Variants in KIF5C observed in about 807,000 individuals in gnomAD.
The protein encoded by KIF5C is kinesin family member 5C.
In KIF5C, 18 loss-of-function variants were observed where a neutral mutation model predicts 125.2. The ratio of observed to expected loss-of-function variants is 0.14; its 90% CI spans 0.10 to 0.21. The LOEUF is 0.21. KIF5C is among the 10% of genes least tolerant of loss of function. The pLI, the probability that KIF5C is intolerant of heterozygous loss-of-function variation, is 1.00. For synonymous variants in KIF5C, 405 were observed against 434.0 expected, an observed-to-expected ratio of 0.93 and a Z score of 0.83; for missense variants, 780 against 1,183.8, an observed-to-expected ratio of 0.66 and a Z score of 5.01.
intron 15 of KIF5C, among the ~76,000 whole-genome samples, chr2:148,985,895 T>C (rs755135863): frequency 6.6e-6 from 1 of 152,240 alleles, no homozygotes; most frequent in Non-Finnish European, 1.5e-5. Flanking sequence ...TAACTGATTA[T>C]TTCATAAATC....
At chr2:148,979,408 C>T (rs142765064) in intron 13 of KIF5C, among the ~76,000 whole-genome samples, 16 of 152,258 alleles carry the variant, frequency 1.1e-4, no homozygotes, top group African/African-American at 3.9e-4. Context: ...TCTCAAGTAG[C>T]TAAGACTACA....
intron 1 of KIF5C, among the ~76,000 whole-genome samples, chr2:148,920,280 GAA>G: frequency 6.6e-6 from 1 of 152,292 alleles, no homozygotes; most frequent in East Asian, 1.9e-4. Flanking sequence ...TTTTGTTCCA[GAA>G]AGTTCAATTG....
At chr2:149,010,423 G>A (rs927167452) in intron 24 of KIF5C, 72 bp downstream of exon 24, 1 of 1,475,968 alleles carries the variant, frequency 6.8e-7, no homozygotes, top group Non-Finnish European at 9.0e-7. Flanking sequence ...TTGCTAAAAG[G>A]TGAAGACAGC....
chr2:148,982,206 G>C (rs1206395455), intron 14 of KIF5C, among the ~76,000 whole-genome samples: 2 of 152,332 alleles, frequency 1.3e-5, no homozygotes, highest in East Asian at 3.9e-4. Context: ...TTTGTTTGCT[G>C]TTCTAAGCCA....
At chr2:148,930,228 C>T (rs1170802519) in intron 3 of KIF5C, among the ~76,000 whole-genome samples, 2 of 152,144 alleles carry the variant, frequency 1.3e-5, no homozygotes, top group African/African-American at 4.8e-5. Context: ...AGGGTATGAC[C>T]CCAGCTCCAG....
At chr2:148,949,974 A>G (rs1682619768) in intron 9 of KIF5C, 31 bp downstream of exon 9, 31 of 1,597,776 alleles carry the variant, frequency 1.9e-5, no homozygotes, top group Non-Finnish European at 2.6e-5. Context: ...CTATTAAGTA[A>G]TATTATGAGA....
At chr2:148,892,253 G>A (rs1242001487) in intron 1 of KIF5C, among the ~76,000 whole-genome samples, 5 of 152,178 alleles carry the variant, frequency 3.3e-5, no homozygotes, top group Admixed American at 6.5e-5. Flanking sequence ...GAATTTCTCC[G>A]AGGCACTAGT....
chr2:148,979,266 T>C (rs908589644), intron 13 of KIF5C, among the ~76,000 whole-genome samples: 5 of 152,148 alleles, frequency 3.3e-5, no homozygotes, highest in Non-Finnish European at 5.9e-5. Flanking sequence ...GGTTGGGTGA[T>C]CAAGCAAGGA....
chr2:148,990,968 A>T, intron 15 of KIF5C, 42 bp from the exon 16 acceptor site: 4 of 1,582,434 alleles, frequency 2.5e-6, no homozygotes, highest in Non-Finnish European at 3.4e-6. Context: ...GAACCTATGG[A>T]AATTGTGGGC....
intron 14 of KIF5C, among the ~76,000 whole-genome samples, chr2:148,982,361 G>C (rs541261244): frequency 9.6e-4 from 146 of 152,322 alleles, no homozygotes; most frequent in Admixed American, 3.9e-4. Flanking sequence ...AAAATGGGTG[G>C]TGGAGAAGCT....
At chr2:148,891,743 G>A (rs1318658535) in intron 1 of KIF5C, among the ~76,000 whole-genome samples, 2 of 152,016 alleles carry the variant, frequency 1.3e-5, no homozygotes, top group African/African-American at 4.8e-5. Context: ...TGTTGCCCAG[G>A]CTGGAGTGCA....
At chr2:149,009,599 C>G (rs1290663089) in intron 23 of KIF5C, among the ~76,000 whole-genome samples, 1 of 152,098 alleles carries the variant, frequency 6.6e-6, no homozygotes, top group Non-Finnish European at 1.5e-5. Context: ...CTTCTTCAAT[C>G]AGCAAAAAGG....
intron 3 of KIF5C, among the ~76,000 whole-genome samples, chr2:148,930,947 C>T (rs995184620): frequency 1.3e-5 from 2 of 152,092 alleles, no homozygotes; most frequent in African/African-American, 2.4e-5. Context: ...ACTAGGCCCC[C>T]GACTCTTGAC....
At chr2:148,987,565 C>T (rs1253593477) in intron 15 of KIF5C, among the ~76,000 whole-genome samples, 5 of 152,064 alleles carry the variant, frequency 3.3e-5, no homozygotes, top group Admixed American at 6.5e-5. Flanking sequence ...TGCTGATTGG[C>T]GAGGGAGGGT....
intron 1 of KIF5C, among the ~76,000 whole-genome samples, chr2:148,908,523 T>G (rs1681204153): frequency 6.6e-6 from 1 of 152,232 alleles, no homozygotes; most frequent in African/African-American, 2.4e-5. Flanking sequence ...AGAGGGGTTA[T>G]GGACATGGGC....
rs765486860 is a variant in KIF5C, at chr2:148,981,437, A to G, written c.1445A>G (p.Asp482Gly). ...CAGATTGAAAATGAGGCAGCCAAGG[A>G]TGAGGTGAAAGAAGTTCTCCAGGCC... ...RLQIENEAAK[D>G]EVKEVLQALE... The change falls in exon 14 of 26, where the codon GAT becomes GGT. Residue 482 changes from aspartate (D) to glycine (G), a missense_variant. By Grantham distance (94) the Asp-to-Gly change is moderately conservative. Transcript: ENST00000435030. 6.2e-7 allele frequency: 1 copy of G among 1,610,138 alleles called. No homozygotes were observed. Among genetic ancestry groups the G allele is most frequent in the Admixed American group, 1.7e-5 (1 of 59,556 alleles).
At chr2:148,897,643 G>T (rs1267886785) in intron 1 of KIF5C, among the ~76,000 whole-genome samples, 1 of 152,026 alleles carries the variant, frequency 6.6e-6, no homozygotes, top group Non-Finnish European at 1.5e-5. Context: ...TGTGAGCCAG[G>T]TGATGTGGCT....
intron 25 of KIF5C, among the ~76,000 whole-genome samples, chr2:149,013,704 G>A (rs1682278503): frequency 6.6e-6 from 1 of 152,152 alleles, no homozygotes; most frequent in South Asian, 2.1e-4. Context: ...ACTGGTCCAG[G>A]GATTCTGGGG....
intron 1 of KIF5C, among the ~76,000 whole-genome samples, chr2:148,904,316 C>G (rs1365310854): frequency 1.3e-5 from 2 of 152,188 alleles, no homozygotes; most frequent in Non-Finnish European, 2.9e-5. Context: ...AGACGATCTG[C>G]AAATCCTGGA....
Sources: allele counts gnomAD v4.1 joint callset (sites outside exome capture counted in the v4.1 genomes callset), GRCh38; gene constraint gnomAD v4.1.1; transcripts MANE v1.5; gene names NCBI Gene and HGNC (gene_info 2026-07-23, HGNC 2026-07-21).